The following PTPRJ variants were observed in gnomAD, a reference collection of about 807,000 sequenced individuals.
The protein encoded by PTPRJ is receptor-type tyrosine-protein phosphatase eta.
Under a neutral mutation model 141.3 loss-of-function variants are expected in PTPRJ, and 129 were observed. The observed-to-expected ratio is 0.91, with a 90% CI of 0.79 to 1.06. The LOEUF (loss-of-function observed/expected upper bound fraction) is 1.06. Ranked by LOEUF, PTPRJ falls within the 50% of genes least tolerant of loss-of-function variation. The probability of loss-of-function intolerance (pLI) is 0.00; values close to 1 mark genes in which losing one functional copy is unlikely to be tolerated. For synonymous variants in PTPRJ, 610 were observed against 640.5 expected, an observed-to-expected ratio of 0.95 and a Z score of 0.72; for missense variants, 1,601 against 1,679.7, an observed-to-expected ratio of 0.95 and a Z score of 0.82.
intron 1 of PTPRJ, among the ~76,000 whole-genome samples, chr11:48,097,095 G>C (rs985736591): frequency 6.6e-6 from 1 of 152,140 alleles, no homozygotes; most frequent in Non-Finnish European, 1.5e-5. Flanking sequence ...ATGGGGTATC[G>C]AGTCTCAGGC....
At position 48,123,733 on chromosome 11, in the gene PTPRJ, A is replaced by G. The variant is rs1198301446; in HGVS notation, c.737A>G (p.His246Arg). The G allele has an allele frequency of 9.3e-6, 15 of 1,614,050 alleles. No homozygotes were observed. The Admixed American group carries it at 2.0e-4, about 22-fold the overall frequency. The change falls in exon 5 of 25, where the codon CAT (histidine) becomes CGT (arginine). Residue 246 changes from histidine to arginine, a missense_variant. His to Arg is a conservative substitution (Grantham distance 29). Transcript: ENST00000418331. ...CRVLLESIGSHEELTQDSRLQ... is the reference protein window; with the variant it reads ...CRVLLESIGSREELTQDSRLQ... The stretch of plus-strand genomic sequence containing the variant: ...GTTCTTCTTGAAAGCATTGGAAGCC[A>G]TGAGGAGTTGACTCAAGACTCAAGA...
chr11:48,066,556 ATTAT>A (rs1855088445), intron 1 of PTPRJ, among the ~76,000 whole-genome samples: 1 of 4,162 alleles, frequency 2.4e-4, no homozygotes, highest in Non-Finnish European at 5.1e-4. Flanking sequence ...ATCCAGTCGT[ATTAT>A]TATTATTATT....
chr11:48,122,745 T>C (rs917292624), intron 4 of PTPRJ, among the ~76,000 whole-genome samples: 14 of 152,218 alleles, frequency 9.2e-5, no homozygotes, highest in African/African-American at 3.1e-4. Context: ...ACTCTTTGCA[T>C]GAGAGACATG....
chr11:47,997,071 T>A (rs1387712969), intron 1 of PTPRJ, among the ~76,000 whole-genome samples: 1 of 152,226 alleles, frequency 6.6e-6, no homozygotes, highest in African/African-American at 2.4e-5. Context: ...ACATGGTTTC[T>A]CCATCTCAGC....
At chr11:48,138,698 A>T (rs888079384) in intron 10 of PTPRJ, among the ~76,000 whole-genome samples, 1 of 152,188 alleles carries the variant, frequency 6.6e-6, no homozygotes, top group African/African-American at 2.4e-5. Context: ...GAGTGTCTTG[A>T]ACTTAGACTT....
intron 1 of PTPRJ, among the ~76,000 whole-genome samples, chr11:47,988,204 G>T (rs75992819): frequency 6.6e-6 from 1 of 152,056 alleles, no homozygotes; most frequent in African/African-American, 2.4e-5. Flanking sequence ...AATCTTTCTT[G>T]GGGGGGAAAA....
intron 4 of PTPRJ, 42 bp from the exon 5 acceptor site, chr11:48,123,571 A>G (rs1465058679): frequency 1.9e-6 from 3 of 1,589,792 alleles, no homozygotes; most frequent in East Asian, 4.5e-5. Flanking sequence ...AGGTGACTGC[A>G]TATATCTTGT....
chr11:48,031,751 C>A (rs372573376), intron 1 of PTPRJ, among the ~76,000 whole-genome samples: 1 of 152,122 alleles, frequency 6.6e-6, no homozygotes, highest in Non-Finnish European at 1.5e-5. Flanking sequence ...TCATGGTGTG[C>A]TTATTCTTAT....
chr11:48,099,661 T>C, intron 1 of PTPRJ, among the ~76,000 whole-genome samples: 1 of 152,148 alleles, frequency 6.6e-6, no homozygotes, highest in East Asian at 1.9e-4. Flanking sequence ...AGAGTTCTTT[T>C]TCCATTGCAT....
At chr11:48,161,864 C>T (rs775198731) in intron 22 of PTPRJ, among the ~76,000 whole-genome samples, 2 of 152,154 alleles carry the variant, frequency 1.3e-5, no homozygotes, top group East Asian at 1.9e-4. Context: ...TCCACCTGCT[C>T]GGCCTCCAAA....
intron 7 of PTPRJ, among the ~76,000 whole-genome samples, chr11:48,129,063 A>G (rs1165764423): frequency 6.6e-6 from 1 of 152,220 alleles, no homozygotes; most frequent in African/African-American, 2.4e-5. Context: ...TCTCTCCTGT[A>G]ACAGAAGCCC....
chr11:48,004,289 C>T (rs937503828), intron 1 of PTPRJ, among the ~76,000 whole-genome samples: 1 of 152,158 alleles, frequency 6.6e-6, no homozygotes, highest in Non-Finnish European at 1.5e-5. Context: ...TGATCAGATT[C>T]CTCCCCTGCG....
rs774345786 is a variant in PTPRJ, at chr11:48,112,766, C to T, written c.135C>T (p.Asp45=). The stretch of plus-strand genomic sequence containing the variant: ...GCATAGCCCCTAGTCCAATTCCTGA[C>T]CCTTCAGTAGCAACTGTTGCCACAG... ...CAGGTPSPIP[D]PSVATVATGE... The change falls in exon 3 of 25, where the codon GAC becomes GAT. Residue 45 remains aspartate, a synonymous_variant. Coordinates refer to ENST00000418331, the MANE Select transcript of PTPRJ (RefSeq NM_002843.4). The T allele has an allele frequency of 6.2e-7, 1 of 1,613,834 alleles. No individual in the cohort carries two copies. Among genetic ancestry groups the T allele is most frequent in the South Asian group, 1.1e-5 (1 of 91,072 alleles).
chr11:48,123,633 C>G lies in PTPRJ; in HGVS notation c.637C>G (p.Leu213Val). 1 of 1,613,424 alleles carries G rather than the reference C, an allele frequency of 6.2e-7. No individual in the cohort carries two copies. Among genetic ancestry groups the G allele is most frequent in the South Asian group, 1.1e-5 (1 of 91,008 alleles). ...AATAGAGCCGATCCCAGTTTCTGAT[C>G]TCCGTGTTGCCCTCACGGGTGTGAG... ...VITEPIPVSD[L>V]RVALTGVRKA... Residue 213 changes from leucine (L) to valine (V), a missense_variant, in exon 5 of 25, where the codon CTC (leucine) becomes GTC (valine). By Grantham distance (32) the Leu-to-Val change is conservative. Transcript: ENST00000418331.
rs138539365 is a variant in PTPRJ at position 47,988,160 on chromosome 11, A to T, written c.96+7152A>T. On this transcript the variant is annotated intron_variant, in intron 1 of 24. Transcript: ENST00000418331. Reference sequence around the variant, plus strand: ...ATGAGTGAGTGAGTATTAAAACTTCATATCAACATGGAGCCTATAACACAG... The same window carrying T: ...ATGAGTGAGTGAGTATTAAAACTTCTTATCAACATGGAGCCTATAACACAG... Among the ~76,000 whole-genome samples, 10 of 152,266 alleles carry T rather than the reference A, an allele frequency of 6.6e-5. No individual in the cohort carries two copies. The East Asian group carries it at 1.9e-3, about 29-fold the overall frequency.
At chr11:48,050,372 G>C (rs1854533801) in intron 1 of PTPRJ, among the ~76,000 whole-genome samples, 1 of 151,970 alleles carries the variant, frequency 6.6e-6, no homozygotes, top group Admixed American at 6.6e-5. Flanking sequence ...ACCCCCACCA[G>C]AGTGGAACAA....
At chr11:48,072,143 G>C (rs537000328) in intron 1 of PTPRJ, among the ~76,000 whole-genome samples, 2 of 152,214 alleles carry the variant, frequency 1.3e-5, no homozygotes, top group African/African-American at 4.8e-5. Context: ...GACCTCAGGT[G>C]ATCCACTCAC....
intron 1 of PTPRJ, among the ~76,000 whole-genome samples, chr11:47,987,981 G>A (rs1191604832): frequency 6.6e-6 from 1 of 152,216 alleles, no homozygotes; most frequent in Non-Finnish European, 1.5e-5. Flanking sequence ...CTGTTAGAGG[G>A]AAGTTGTCCC....
chr11:48,160,905 G>A (rs1297411625), intron 22 of PTPRJ, among the ~76,000 whole-genome samples: 1 of 152,070 alleles, frequency 6.6e-6, no homozygotes. Flanking sequence ...TGATGGCCCA[G>A]GTGCGGTGAT....
Sources: allele counts gnomAD v4.1 joint callset (sites outside exome capture counted in the v4.1 genomes callset), GRCh38; gene constraint gnomAD v4.1.1; transcripts MANE v1.5; gene names NCBI Gene and HGNC (gene_info 2026-07-23, HGNC 2026-07-21).